FRK: variants seen among roughly 807,000 people sequenced by gnomAD.
FRK encodes the protein tyrosine-protein kinase FRK.
Under a neutral mutation model 56.4 loss-of-function variants are expected in FRK, and 51 were observed. That is an observed-to-expected ratio of 0.90 (90% CI 0.72 to 1.14). The LOEUF (loss-of-function observed/expected upper bound fraction) is 1.14. Ranked by LOEUF, FRK falls within the 50% of genes most tolerant of loss-of-function variation. The pLI is 0.00. For missense variants in FRK, 570 were observed against 601.4 expected (o/e 0.95, Z 0.55); for synonymous variants, 245 against 217.9 (o/e 1.12, Z -1.10).
chr6:116,039,275 C>G (rs1776621497), intron 1 of FRK: 5 of 1,479,616 alleles, frequency 3.4e-6, no homozygotes, highest in Non-Finnish European at 4.7e-6. Flanking sequence ...ACCAGCAAGA[C>G]TGCAACACCC....
chr6:115,959,781 G>A (rs550689131), intron 4 of FRK, among the ~76,000 whole-genome samples: 12 of 152,182 alleles, frequency 7.9e-5, no homozygotes, highest in Non-Finnish European at 1.6e-4. Flanking sequence ...ACTTCCAGAT[G>A]AGAAGATTCC....
intron 5 of FRK, among the ~76,000 whole-genome samples, chr6:115,948,272 A>C (rs1045801739): frequency 6.6e-6 from 1 of 152,154 alleles, no homozygotes; most frequent in Non-Finnish European, 1.5e-5. Flanking sequence ...CCCAGGAGGA[A>C]GCGACACCTG....
intron 1 of FRK, among the ~76,000 whole-genome samples, chr6:116,015,889 G>A (rs765544125): frequency 6.6e-6 from 1 of 152,164 alleles, no homozygotes; most frequent in Non-Finnish European, 1.5e-5. Flanking sequence ...AAAGCAGTCA[G>A]TCATATGCAT....
At chr6:115,958,822 AAGAAAGAAAGAAAGAAAG>A (rs1197678922) in intron 4 of FRK, among the ~76,000 whole-genome samples, 33 of 147,076 alleles carry the variant, frequency 2.2e-4, no homozygotes, top group Non-Finnish European at 3.9e-4. Flanking sequence ...AAGAAAGAAA[AAGAAAGAAAGAAAGAAAG>A]AGAAAGGAAA....
intron 2 of FRK, among the ~76,000 whole-genome samples, chr6:115,975,788 C>G (rs183460622): frequency 1.3e-5 from 2 of 152,244 alleles, no homozygotes; most frequent in African/African-American, 2.4e-5. Flanking sequence ...ATCAAAGATC[C>G]TGAGTTTACA....
intron 1 of FRK, among the ~76,000 whole-genome samples, chr6:116,034,103 T>C (rs930898346): frequency 2.6e-5 from 4 of 152,100 alleles, no homozygotes; most frequent in East Asian, 1.9e-4. Context: ...GGATGAATGC[T>C]CCTGCATTCA....
intron 1 of FRK, among the ~76,000 whole-genome samples, chr6:116,020,974 T>C (rs1198980251): frequency 1.3e-5 from 2 of 152,082 alleles, no homozygotes; most frequent in African/African-American, 4.8e-5. Context: ...GTTGGGAAAT[T>C]GAAGTAAAAA....
chr6:116,095,309 T>A, the FRK span, among the ~76,000 whole-genome samples: 1 of 152,324 alleles, frequency 6.6e-6, no homozygotes, highest in Middle Eastern at 3.4e-3. Flanking sequence ...GCCTAATAAT[T>A]GGTCTGCTCA....
chr6:115,960,495 C>T (rs1388802094), intron 4 of FRK, among the ~76,000 whole-genome samples: 2 of 149,538 alleles, frequency 1.3e-5, no homozygotes, highest in Non-Finnish European at 3.0e-5. Context: ...CCCAGGCTTG[C>T]TTAGGTAAAC....
chr6:115,991,796 G>C (rs141506490), intron 2 of FRK, among the ~76,000 whole-genome samples: 26 of 151,756 alleles, frequency 1.7e-4, no homozygotes, highest in African/African-American at 5.1e-4. Context: ...GAATGAGTTA[G>C]AGAGGAATCC....
rs1229813742 is a variant in FRK at position 115,938,521 on chromosome 6, A to T, written c.*3893T>A. On this transcript the variant is annotated 3_prime_UTR_variant, in exon 8 of 8. Coordinates refer to ENST00000606080, the MANE Select transcript of FRK (RefSeq NM_002031.3). ...AGAGACATGAAAAACCTTTCAAAAA[A>T]TCAATGAATCCAGGATCTGATTTTT... 1 of 152,236 alleles carries T rather than the reference A, an allele frequency of 6.6e-6. No homozygotes were observed. The highest frequency in any genetic ancestry group is 1.5e-5 in the Non-Finnish European group (1 of 68,040). 9.4% of individuals were successfully genotyped at this position (152,236 alleles called of 1,614,324 possible).
the FRK span, among the ~76,000 whole-genome samples, chr6:116,074,744 C>T: frequency 2.6e-5 from 4 of 151,992 alleles, no homozygotes; most frequent in East Asian, 7.7e-4. Flanking sequence ...CATCTGTGGC[C>T]CTCAGCCAAC....
intron 2 of FRK, among the ~76,000 whole-genome samples, chr6:115,988,661 G>C (rs566984445): frequency 8.5e-5 from 13 of 152,126 alleles, no homozygotes; most frequent in African/African-American, 3.1e-4. Flanking sequence ...TGTAAATTAA[G>C]AGTATGGAGG....
chr6:116,045,149 C>G (rs1378140938), intron 1 of FRK, among the ~76,000 whole-genome samples: 6 of 151,982 alleles, frequency 3.9e-5, no homozygotes. Context: ...TGAAAATGGC[C>G]ATACTGCCCA....
At position 116,060,565 on chromosome 6, in the gene FRK, G is replaced by C. The variant is rs543895754; in HGVS notation, c.-254C>G. 1.3e-5 allele frequency: 6 copies of C among 447,012 alleles called. No homozygotes were observed. The highest frequency in any genetic ancestry group is 2.4e-5 in the Non-Finnish European group (6 of 250,608). 27.7% of individuals were successfully genotyped at this position (447,012 alleles called of 1,614,324 possible). Reference sequence around the variant, plus strand: ...AAAACTGAGCAGGAGCTGGGCAGCTGCTCACTAGGAAGGTGTCTTTTCTTC... The same window carrying C: ...AAAACTGAGCAGGAGCTGGGCAGCTCCTCACTAGGAAGGTGTCTTTTCTTC... On this transcript the variant is annotated 5_prime_UTR_variant, in exon 1 of 8. Transcript: ENST00000606080.
intron 1 of FRK, among the ~76,000 whole-genome samples, chr6:116,055,717 T>G (rs1037215567): frequency 1.3e-5 from 2 of 152,214 alleles, no homozygotes; most frequent in African/African-American, 4.8e-5. Flanking sequence ...TGCTGAGTCA[T>G]TCACTTAGCA....
At chr6:116,052,764 G>A (rs1167218679) in intron 1 of FRK, among the ~76,000 whole-genome samples, 1 of 152,108 alleles carries the variant, frequency 6.6e-6, no homozygotes, top group Non-Finnish European at 1.5e-5. Flanking sequence ...GTGAGGGAGA[G>A]TGCAGACGGT....
At chr6:116,089,138 T>G in the FRK span, among the ~76,000 whole-genome samples, 38 of 152,286 alleles carry the variant, frequency 2.5e-4, no homozygotes, top group African/African-American at 9.1e-4. Context: ...TCCAAAACTA[T>G]CTCACAAATT....
rs913217342 is a variant in FRK at position 115,937,636 on chromosome 6, A to C, written c.*4778T>G. On this transcript the variant is annotated 3_prime_UTR_variant, in exon 8 of 8. Coordinates refer to ENST00000606080, the MANE Select transcript of FRK (RefSeq NM_002031.3). ...ATAAAGGGATGGAGGAATATTTACG[A>C]AGCAAACGGAAAGCAGAAAAAAAAA... 12 of 152,172 alleles carry C rather than the reference A, an allele frequency of 7.9e-5. No individual in the cohort carries two copies. Among genetic ancestry groups the C allele is most frequent in the Admixed American group, 7.9e-4 (12 of 15,274 alleles). The allele number at this position is 152,172 out of a possible 1,614,324, so 9.4% of individuals were successfully genotyped here.
Sources: allele counts gnomAD v4.1 joint callset (sites outside exome capture counted in the v4.1 genomes callset), GRCh38; gene constraint gnomAD v4.1.1; transcripts MANE v1.5; gene names NCBI Gene and HGNC (gene_info 2026-07-23, HGNC 2026-07-21).